The following ATF7 variants were observed in gnomAD, a reference collection of about 807,000 sequenced individuals.
The protein encoded by ATF7 is cyclic AMP-dependent transcription factor ATF-7.
A neutral mutation model predicts 50.4 loss-of-function variants in ATF7; 10 were observed. That is an observed-to-expected ratio of 0.20 (90% CI 0.12 to 0.34). ATF7 has a LOEUF of 0.34. Among genes scored for constraint, ATF7 ranks in the 10% least tolerant of loss-of-function variants. The pLI is 1.00. For missense variants in ATF7, 465 were observed against 613.9 expected (o/e 0.76, Z 2.56); for synonymous variants, 201 against 226.4 (o/e 0.89, Z 1.01).
intron 9 of ATF7, among the ~76,000 whole-genome samples, chr12:53,527,581 C>G (rs1356519319): frequency 6.6e-6 from 1 of 152,094 alleles, no homozygotes; most frequent in Non-Finnish European, 1.5e-5. Flanking sequence ...GCCATGAGTT[C>G]AAGACTAGCC....
chr12:53,544,716 T>A (rs922679778), intron 3 of ATF7, among the ~76,000 whole-genome samples: 14 of 151,928 alleles, frequency 9.2e-5, no homozygotes, highest in African/African-American at 3.4e-4. Context: ...GCCACTGCAC[T>A]CCAGCCTGGG....
rs186659472 is a variant in ATF7 at position 53,609,822 on chromosome 12, T to C, written c.-21-8801A>G. Among the ~76,000 whole-genome samples, 462 of 47,728 alleles carry C rather than the reference T, an allele frequency of 9.7e-3. 16 individuals are homozygous for C. The highest frequency in any genetic ancestry group is 0.042 in the African/African-American group (438 of 10,532). 31.3% of individuals were successfully genotyped at this position (47,728 alleles called of 152,430 possible). On this transcript the variant is annotated intron_variant, in intron 1 of 11. Coordinates refer to ENST00000420353, the MANE Select transcript of ATF7 (RefSeq NM_006856.3). ...AGCCTTATTGTTTTAAATGTTATGC[T>C]TTTTTTTTTTTTTAGACAGGGTCTT...
chr12:53,517,695 A>G (rs911153206), intron 11 of ATF7: 6 of 290,028 alleles, frequency 2.1e-5, no homozygotes, highest in Non-Finnish European at 4.0e-5. Context: ...TGTTTTTAAG[A>G]GATAGGGTCT....
intron 1 of ATF7, among the ~76,000 whole-genome samples, chr12:53,617,768 A>G (rs1229488832): frequency 6.6e-6 from 1 of 152,108 alleles, no homozygotes; most frequent in African/African-American, 2.4e-5. Context: ...TTTTCATACA[A>G]CCTTTCCTGA....
In ATF7 at chr12:53,532,624, C is replaced by T; in HGVS notation, c.661-1G>A. Reference sequence around the variant, plus strand: ...GCACCATGGACACAGGTCTGGCCAGCTGGATCGAGAGAAGGAAAAAAAAAA... The same window carrying T: ...GCACCATGGACACAGGTCTGGCCAGTTGGATCGAGAGAAGGAAAAAAAAAA... On this transcript the variant is annotated splice_acceptor_variant, in intron 7 of 11. Transcript: ENST00000420353. LOFTEE classifies it high-confidence loss of function. The T allele has an allele frequency of 6.4e-7, 1 of 1,571,972 alleles. No homozygotes were observed. Among genetic ancestry groups the T allele is most frequent in the Non-Finnish European group, 8.6e-7 (1 of 1,156,986 alleles).
rs1406716816 is a variant in ATF7, at chr12:53,517,199, G to A, written c.1390C>T (p.Leu464=). The change falls in exon 12 of 12, where the codon CTG becomes TTG. Residue 464 remains leucine (L), a synonymous_variant. Transcript: ENST00000420353. The part of the protein sequence containing the change: ...LTQMASQRTE[L]SMPIQSHVIM... ...ACATGCGATTGTATCGGCATGCTCA[G>A]TTCTGTCCTTTGGCTGGCCATCTGA... 6.2e-6 allele frequency: 10 copies of A among 1,613,912 alleles called. No homozygotes were observed. The South Asian group carries it at 8.8e-5, about 14-fold the overall frequency.
At chr12:53,531,236 C>T (rs1565925469) in intron 9 of ATF7, among the ~76,000 whole-genome samples, 1 of 151,870 alleles carries the variant, frequency 6.6e-6, no homozygotes, top group Admixed American at 6.6e-5. Context: ...GCCTGGCCAA[C>T]ATGGTGAGAC....
At chr12:53,614,348 C>T (rs1275333107) in intron 1 of ATF7, among the ~76,000 whole-genome samples, 1 of 152,070 alleles carries the variant, frequency 6.6e-6, no homozygotes, top group African/African-American at 2.4e-5. Context: ...TCCTGGAAAC[C>T]AATAGGATGC....
intron 2 of ATF7, among the ~76,000 whole-genome samples, chr12:53,558,538 C>T (rs571985506): frequency 6.6e-6 from 1 of 152,278 alleles, no homozygotes; most frequent in East Asian, 1.9e-4. Flanking sequence ...GACTCCAGAT[C>T]TGCAAATACT....
At chr12:53,604,638 A>G (rs1943531292) in intron 1 of ATF7, among the ~76,000 whole-genome samples, 1 of 152,142 alleles carries the variant, frequency 6.6e-6, no homozygotes, top group Admixed American at 6.5e-5. Flanking sequence ...AGATGGCCCA[A>G]CTCTAAGCAA....
Position 53,518,495 on chromosome 12 carries a change from C to T in ATF7, c.1235-1141G>A, listed in dbSNP as rs367588887. Among the ~76,000 whole-genome samples, 20 of 152,260 alleles carry T rather than the reference C, an allele frequency of 1.3e-4. 1 individual carries two copies. Among genetic ancestry groups the T allele is most frequent in the African/African-American group, 4.1e-4 (17 of 41,530 alleles). ...ATTTTTTTAGAGGGTCTCACTCTGT[C>T]ACCCAGGCTGGAGGTGCCATGGCAC... On this transcript the variant is annotated intron_variant, in intron 11 of 11. Coordinates refer to ENST00000420353, the MANE Select transcript of ATF7 (RefSeq NM_006856.3).
At position 53,534,663 on chromosome 12, in the gene ATF7, G is replaced by C. The variant is rs958676953; in HGVS notation, c.403-4C>G. On this transcript the variant is annotated splice_polypyrimidine_tract_variant and splice_region_variant and intron_variant, in intron 5 of 11. Coordinates refer to ENST00000420353, the MANE Select transcript of ATF7 (RefSeq NM_006856.3). Reference sequence around the variant, plus strand: ...GAACAGGCTTTGGGGTAACCTCCTGGAGAAAAGAAACCAACAGATCACAAA... The same window carrying C: ...GAACAGGCTTTGGGGTAACCTCCTGCAGAAAAGAAACCAACAGATCACAAA... 2 of 1,609,732 alleles carry C rather than the reference G, an allele frequency of 1.2e-6. No individual in the cohort carries two copies. Among genetic ancestry groups the C allele is most frequent in the Non-Finnish European group, 1.7e-6 (2 of 1,178,794 alleles).
chr12:53,523,057 T>C (rs1306207835), intron 11 of ATF7: 11 of 458,472 alleles, frequency 2.4e-5, no homozygotes, highest in African/African-American at 7.9e-5. Flanking sequence ...CCGGTAAATA[T>C]TGCTACCCTT....
chr12:53,597,827 T>A (rs1035810564), intron 2 of ATF7, among the ~76,000 whole-genome samples: 16 of 141,242 alleles, frequency 1.1e-4, no homozygotes, highest in East Asian at 8.4e-4. Context: ...AAAAAAAAAA[T>A]AGTATCCTGA....
chr12:53,621,719 G>A (rs1944389434), intron 1 of ATF7, among the ~76,000 whole-genome samples: 1 of 150,830 alleles, frequency 6.6e-6, no homozygotes, highest in African/African-American at 2.4e-5. Flanking sequence ...AACCCGGGAG[G>A]CGGAGGTTGC....
chr12:53,534,910 T>A (rs1040373310), intron 5 of ATF7, among the ~76,000 whole-genome samples: 1 of 152,160 alleles, frequency 6.6e-6, no homozygotes, highest in South Asian at 2.1e-4. Flanking sequence ...AGTTGGAATA[T>A]CACTTGAAAT....
intron 4 of ATF7, among the ~76,000 whole-genome samples, chr12:53,541,026 C>T (rs1450911062): frequency 3.3e-5 from 5 of 152,034 alleles, no homozygotes; most frequent in Admixed American, 6.6e-5. Flanking sequence ...CACCAGGCCT[C>T]GCGCAGCCCT....
intron 1 of ATF7, among the ~76,000 whole-genome samples, chr12:53,612,287 C>A (rs1371695425): frequency 1.4e-5 from 2 of 146,768 alleles, no homozygotes; most frequent in Admixed American, 1.4e-4. Flanking sequence ...CTGCATTTTT[C>A]TTTTTCTTTT....
chr12:53,606,563 T>A (rs1056862681), intron 1 of ATF7, among the ~76,000 whole-genome samples: 5 of 152,038 alleles, frequency 3.3e-5, no homozygotes, highest in African/African-American at 4.8e-5. Flanking sequence ...CGTTTTTTTT[T>A]AAATTTTAAT....
Sources: allele counts gnomAD v4.1 joint callset (sites outside exome capture counted in the v4.1 genomes callset), GRCh38; gene constraint gnomAD v4.1.1; transcripts MANE v1.5; gene names NCBI Gene and HGNC (gene_info 2026-07-23, HGNC 2026-07-21).